Variants in ALS2 observed in about 807,000 individuals in gnomAD.
ALS2 encodes the protein alsin.
ALS2 carries 117 observed loss-of-function variants against 203.4 expected under a neutral mutation model. That is an observed-to-expected ratio of 0.58 (90% CI 0.50 to 0.67). The LOEUF is 0.67. Among genes scored for constraint, ALS2 ranks in the 30% least tolerant of loss-of-function variants. The pLI is 0.00. For missense variants in ALS2, 1,715 were observed against 1,989.4 expected, an observed-to-expected ratio of 0.86 and a Z score of 2.62; for synonymous variants, 718 against 725.9, an observed-to-expected ratio of 0.99 and a Z score of 0.17.
chr2:201,763,479 C>A, intron 3 of ALS2: 1 of 281,298 alleles, frequency 3.6e-6, no homozygotes, highest in Admixed American at 4.0e-5. Flanking sequence ...ACTGTATTCA[C>A]CAAGTCTCCG....
intron 5 of ALS2, among the ~76,000 whole-genome samples, chr2:201,755,454 G>A (rs1693325444): frequency 6.6e-6 from 1 of 152,078 alleles, no homozygotes; most frequent in Admixed American, 6.5e-5. Context: ...GTAGAGACAG[G>A]GTTTTGCCAT....
chr2:201,777,491 T>C (rs564538790), intron 1 of ALS2, among the ~76,000 whole-genome samples: 56 of 152,284 alleles, frequency 3.7e-4, no homozygotes, highest in African/African-American at 1.3e-3. Flanking sequence ...AATGTTAAAG[T>C]GCTAGTTTCA....
chr2:201,767,224 A>C lies in ALS2; in HGVS notation c.175+5T>G. On this transcript the variant is annotated splice_donor_5th_base_variant and intron_variant, in intron 3 of 33. Coordinates refer to ENST00000264276, the MANE Select transcript of ALS2 (RefSeq NM_020919.4). ...TCGTATTTGTTACGCCATTCTTTTC[A>C]TTACCTTCAGTCAGAAGAACTCCAT... 6.2e-7 allele frequency: 1 copy of C among 1,614,006 alleles called. No homozygotes were observed. The highest frequency in any genetic ancestry group is 2.2e-5 in the East Asian group (1 of 44,864).
chr2:201,729,794 T>C (rs1164856909), intron 13 of ALS2, among the ~76,000 whole-genome samples: 3 of 137,270 alleles, frequency 2.2e-5, no homozygotes, highest in African/African-American at 2.8e-5. Flanking sequence ...GGCAGGAGAA[T>C]GGCGTGAACC....
intron 7 of ALS2, 144 bp from the exon 8 acceptor site, chr2:201,749,933 A>G: frequency 2.8e-6 from 2 of 720,330 alleles, no homozygotes; most frequent in Non-Finnish European, 4.9e-6. Flanking sequence ...ACTCTTTAAC[A>G]GATATTAAGG....
intron 22 of ALS2, 42 bp from the exon 23 acceptor site, chr2:201,723,162 C>G (rs1215122617): frequency 9.8e-6 from 15 of 1,537,788 alleles, no homozygotes; most frequent in Non-Finnish European, 1.2e-5. Flanking sequence ...ACATAAAATA[C>G]AGAGTAACTT....
intron 7 of ALS2, among the ~76,000 whole-genome samples, chr2:201,750,865 T>C (rs541997655): frequency 5.9e-5 from 9 of 151,878 alleles, no homozygotes; most frequent in Non-Finnish European, 1.3e-4. Flanking sequence ...TTTTTTTTTT[T>C]TTTTGGAAGC....
chr2:201,725,888 G>C (rs1314230695), intron 19 of ALS2, among the ~76,000 whole-genome samples: 1 of 152,096 alleles, frequency 6.6e-6, no homozygotes, highest in African/African-American at 2.4e-5. Flanking sequence ...GAATTTACAT[G>C]ATCACACAGA....
intron 13 of ALS2, among the ~76,000 whole-genome samples, chr2:201,732,412 A>AG (rs1348278596): frequency 6.6e-6 from 1 of 151,506 alleles, no homozygotes; most frequent in Non-Finnish European, 1.5e-5. Flanking sequence ...AAAAAAAAAA[A>AG]AAAAAAAGTA....
chr2:201,738,887 G>T, intron 11 of ALS2, 152 bp from the exon 12 acceptor site: 1 of 708,686 alleles, frequency 1.4e-6, no homozygotes, highest in Non-Finnish European at 2.5e-6. Flanking sequence ...GGCAGGTTGT[G>T]TAATAATTAC....
At chr2:201,738,811 A>C in intron 11 of ALS2, 76 bp from the exon 12 acceptor site, 2 of 1,221,712 alleles carry the variant, frequency 1.6e-6, no homozygotes, top group Non-Finnish European at 2.4e-6. Flanking sequence ...ACATACCTGG[A>C]ATAGATAATT....
At chr2:201,703,805 T>C (rs532358108) in intron 33 of ALS2, among the ~76,000 whole-genome samples, 2 of 152,366 alleles carry the variant, frequency 1.3e-5, no homozygotes, top group African/African-American at 2.4e-5. Flanking sequence ...GGAAACTTTC[T>C]TGGACACTAA....
intron 16 of ALS2, 23 bp from the exon 17 acceptor site, chr2:201,727,301 T>C (rs762823775): frequency 3.2e-6 from 5 of 1,586,616 alleles, no homozygotes; most frequent in Non-Finnish European, 4.3e-6. Context: ...CAAGGATAAA[T>C]ACCAGGACAT....
chr2:201,773,910 T>A (rs1694537307), intron 1 of ALS2, among the ~76,000 whole-genome samples: 2 of 152,118 alleles, frequency 1.3e-5, no homozygotes. Flanking sequence ...TGGGGTCTTG[T>A]AAGATAACTA....
At chr2:201,777,736 T>C (rs146558184) in intron 1 of ALS2, among the ~76,000 whole-genome samples, 32 of 152,046 alleles carry the variant, frequency 2.1e-4, no homozygotes, top group African/African-American at 5.1e-4. Flanking sequence ...TTTCATTAGA[T>C]ATACACATAT....
chr2:201,770,834 C>A (rs1032411101), intron 1 of ALS2, among the ~76,000 whole-genome samples: 3 of 152,096 alleles, frequency 2.0e-5, no homozygotes, highest in Non-Finnish European at 2.9e-5. Context: ...GAAAAGAATT[C>A]TTTCCTAGAG....
rs913600173 is a variant in ALS2 at position 201,700,740 on chromosome 2, A to G, written c.*1111T>C. On this transcript the variant is annotated 3_prime_UTR_variant, in exon 34 of 34. Coordinates refer to ENST00000264276, the MANE Select transcript of ALS2 (RefSeq NM_020919.4). ...ACACTCTGTATGCTCACCACGGTGT[A>G]GGAGATGAGATGAGGAAGAGCACCT... The G allele has an allele frequency of 2.0e-5, 3 of 152,684 alleles. No homozygotes were observed. Among genetic ancestry groups the G allele is most frequent in the Non-Finnish European group, 4.4e-5 (3 of 68,048 alleles). The allele number at this position is 152,684 out of a possible 1,614,324, so 9.5% of individuals were successfully genotyped here.
intron 4 of ALS2, among the ~76,000 whole-genome samples, chr2:201,759,296 A>C (rs114866440): frequency 0.019 from 2,911 of 152,294 alleles, 43 homozygotes; most frequent in Middle Eastern, 0.044. Flanking sequence ...CCAGTCAACC[A>C]GTAATACTTT....
At chr2:201,748,133 G>A (rs1431448641) in intron 8 of ALS2, among the ~76,000 whole-genome samples, 2 of 152,032 alleles carry the variant, frequency 1.3e-5, no homozygotes, top group African/African-American at 2.4e-5. Flanking sequence ...CTGGACTGAC[G>A]AACAACCCCT....
Sources: allele counts gnomAD v4.1 joint callset (sites outside exome capture counted in the v4.1 genomes callset), GRCh38; gene constraint gnomAD v4.1.1; transcripts MANE v1.5; gene names NCBI Gene and HGNC (gene_info 2026-07-23, HGNC 2026-07-21).